MRPS22: variants seen among roughly 807,000 people sequenced by gnomAD.
The protein encoded by MRPS22 is small ribosomal subunit protein mS22.
In MRPS22, 30 loss-of-function variants were observed where a neutral mutation model predicts 44.0. That is an observed-to-expected ratio of 0.68 (90% CI 0.51 to 0.93). MRPS22 has a LOEUF of 0.93. Among genes scored for constraint, MRPS22 ranks in the 40% least tolerant of loss-of-function variants. The pLI is 0.00. For synonymous variants in MRPS22, 165 were observed against 154.4 expected, an observed-to-expected ratio of 1.07 and a Z score of -0.51; for missense variants, 447 against 447.8, an observed-to-expected ratio of 1.00 and a Z score of 0.02.
chr3:139,348,101 G>A (rs1274121062), intron 2 of MRPS22, 59 bp from the exon 3 acceptor site: 9 of 1,561,942 alleles, frequency 5.8e-6, no homozygotes, highest in Non-Finnish European at 7.9e-6. Context: ...GCTTTTGTCA[G>A]ATGATCCTTA....
At chr3:139,356,339 A>G (rs1232365307) in intron 7 of MRPS22, among the ~76,000 whole-genome samples, 1 of 152,148 alleles carries the variant, frequency 6.6e-6, no homozygotes, top group Non-Finnish European at 1.5e-5. Flanking sequence ...TTGAGATGAT[A>G]TTTTCAGGAA....
At chr3:139,344,834 G>A (rs1280088048) in intron 1 of MRPS22, 1 of 556,536 alleles carries the variant, frequency 1.8e-6, no homozygotes, top group African/African-American at 1.9e-5. Context: ...CCAAGATGAA[G>A]AAGATTAATT....
Position 139,352,630 on chromosome 3 carries a change from G to A in MRPS22, c.733-17G>A, listed in dbSNP as rs1460348695. On this transcript the variant is annotated splice_polypyrimidine_tract_variant and intron_variant, in intron 5 of 7. Transcript: ENST00000680020. Reference sequence around the variant, plus strand: ...CTTATTTTCATGTTTCTGAAGAGTTGCATTTTATGTGGATAGGTTCATCAC... The same window carrying A: ...CTTATTTTCATGTTTCTGAAGAGTTACATTTTATGTGGATAGGTTCATCAC... The A allele has an allele frequency of 3.7e-6, 6 of 1,610,126 alleles. No individual in the cohort carries two copies. Among genetic ancestry groups the A allele is most frequent in the Non-Finnish European group, 4.2e-6 (5 of 1,176,970 alleles).
chr3:139,345,775 G>A (rs1042987812), intron 1 of MRPS22, among the ~76,000 whole-genome samples: 14 of 152,150 alleles, frequency 9.2e-5, no homozygotes, highest in African/African-American at 2.9e-4. Flanking sequence ...AGGGAAAGTT[G>A]ATGGGTTCTG....
intron 1 of MRPS22, chr3:139,344,744 G>C (rs1424577980): frequency 1.4e-6 from 1 of 691,522 alleles, no homozygotes; most frequent in East Asian, 2.7e-5. Flanking sequence ...CTTGATTAAG[G>C]CTTTGGATAT....
Position 139,348,157 on chromosome 3 carries a change from T to A in MRPS22, c.340-3T>A. On this transcript the variant is annotated splice_region_variant and splice_polypyrimidine_tract_variant and intron_variant, in intron 2 of 7. Transcript: ENST00000680020. ...TTCCTTAATAAATATTTTCTTTCAT[T>A]AGGCTACAAGACAGGCAGTTGAGGC... 5 of 1,613,998 alleles carry A rather than the reference T, an allele frequency of 3.1e-6. No individual in the cohort carries two copies. The highest frequency in any genetic ancestry group is 4.2e-6 in the Non-Finnish European group (5 of 1,179,950).
chr3:139,352,793 G>A lies in MRPS22; in HGVS notation c.878+1G>A. ...TGATTGACCAGATTCAGAGAGATTTGTAAGTATGATCTTAGTAAGTGAAAG... is the reference window on the plus strand; with the variant it reads ...TGATTGACCAGATTCAGAGAGATTTATAAGTATGATCTTAGTAAGTGAAAG... On this transcript the variant is annotated splice_donor_variant, in intron 6 of 7. Transcript: ENST00000680020. LOFTEE classifies it high-confidence loss of function. 6.2e-7 allele frequency: 1 copy of A among 1,612,792 alleles called. No individual in the cohort carries two copies. Among genetic ancestry groups the A allele is most frequent in the Non-Finnish European group, 8.5e-7 (1 of 1,179,220 alleles).
intron 1 of MRPS22, among the ~76,000 whole-genome samples, chr3:139,344,936 G>T (rs1941010614): frequency 6.6e-6 from 1 of 152,160 alleles, no homozygotes; most frequent in South Asian, 2.1e-4. Context: ...ACCTATTTGG[G>T]ACACATTAAA....
chr3:139,356,402 A>G (rs555475624), intron 7 of MRPS22, among the ~76,000 whole-genome samples: 1 of 151,888 alleles, frequency 6.6e-6, no homozygotes, highest in Non-Finnish European at 1.5e-5. Context: ...TGCTCAGAAT[A>G]TACATGGTTT....
chr3:139,350,824 A>C, intron 4 of MRPS22, 153 bp from the exon 5 acceptor site: 1 of 705,038 alleles, frequency 1.4e-6, no homozygotes, highest in African/African-American at 1.8e-5. Flanking sequence ...ATTTGAATCT[A>C]GGTGTGACAA....
At chr3:139,350,783 C>T (rs1941135884) in intron 4 of MRPS22, 194 bp from the exon 5 acceptor site, 4 of 635,302 alleles carry the variant, frequency 6.3e-6, no homozygotes, top group South Asian at 3.4e-5. Flanking sequence ...ATGGGTTGTA[C>T]TAGGGTTCTC....
intron 4 of MRPS22, chr3:139,350,662 G>A (rs1345362989): frequency 4.0e-5 from 13 of 328,496 alleles, no homozygotes; most frequent in African/African-American, 2.0e-4. Context: ...TCCTGACCTC[G>A]GGATTCGCAC....
chr3:139,355,761 C>A lies in MRPS22; in HGVS notation c.958C>A (p.Gln320Lys). 1 of 1,614,056 alleles carries A rather than the reference C, an allele frequency of 6.2e-7. No individual in the cohort carries two copies. The highest frequency in any genetic ancestry group is 1.1e-5 in the South Asian group (1 of 91,082). ...DGQSAQGAKDQAAEGINLIKV... is the reference protein window; with the variant it reads ...DGQSAQGAKDKAAEGINLIKV... ...CCAGTCGGCTCAAGGGGCCAAGGAT[C>A]AGGCTGCTGAGGGAATAAATTTAAT... Residue 320 changes from glutamine to lysine, a missense_variant, in exon 7 of 8, where the codon CAG (glutamine) becomes AAG (lysine). By Grantham distance (53) the Gln-to-Lys change is moderately conservative. Coordinates refer to ENST00000680020, the MANE Select transcript of MRPS22 (RefSeq NM_020191.4).
intron 6 of MRPS22, among the ~76,000 whole-genome samples, chr3:139,354,507 A>G (rs894538993): frequency 6.6e-6 from 1 of 152,260 alleles, no homozygotes; most frequent in African/African-American, 2.4e-5. Flanking sequence ...TTGTTAGATT[A>G]TAACAAGCAC....
At chr3:139,350,673 C>CAT (rs368536241) in intron 4 of MRPS22, 7 of 281,662 alleles carry the variant, frequency 2.5e-5, no homozygotes, top group South Asian at 5.3e-5. Flanking sequence ...GGATTCGCAC[C>CAT]CCCCCCCCGC....
In MRPS22 at chr3:139,346,083, C is replaced by T. The variant is rs552289096; in HGVS notation, c.173-795C>T. Among the ~76,000 whole-genome samples, 3 of 152,178 alleles carry T rather than the reference C, an allele frequency of 2.0e-5. 1 individual carries two copies. In the South Asian group the frequency reaches 6.3e-4, roughly 32 times the overall value. On this transcript the variant is annotated intron_variant, in intron 1 of 7. Coordinates refer to ENST00000680020, the MANE Select transcript of MRPS22 (RefSeq NM_020191.4). ...AAAGCAATAAGCAAACTGCATGAGG[C>T]TGAGCTAAGATTTGATTCTCTGCTT...
chr3:139,355,408 A>T (rs952613169), intron 6 of MRPS22, among the ~76,000 whole-genome samples: 2 of 152,202 alleles, frequency 1.3e-5, no homozygotes, highest in African/African-American at 4.8e-5. Flanking sequence ...TCCAAAAAGA[A>T]TATAGCCACA....
In MRPS22 at chr3:139,348,416, C is replaced by T. The variant is rs77869711; in HGVS notation, c.504+92C>T. 0.076 allele frequency: 99,799 copies of T among 1,306,894 alleles called. 4,192 individuals carry two copies. Among genetic ancestry groups the T allele is most frequent in the Middle Eastern group, 0.12 (509 of 4,248 alleles). The allele number at this position is 1,306,894 out of a possible 1,614,324, so 81.0% of individuals were successfully genotyped here. ...TGATGTGACCTGGCTGTCTCTGATG[C>T]GTCCAAACCAGATTTCCTCTGACTG... On this transcript the variant is annotated intron_variant, in intron 3 of 7. Coordinates refer to ENST00000680020, the MANE Select transcript of MRPS22 (RefSeq NM_020191.4).
intron 6 of MRPS22, among the ~76,000 whole-genome samples, chr3:139,353,911 T>C (rs1027812055): frequency 1.3e-5 from 2 of 152,236 alleles, no homozygotes; most frequent in Admixed American, 1.3e-4. Context: ...ATTAAAACAG[T>C]ATGTTCTTAC....
Sources: gnomAD v4.1 joint callset for allele counts (sites outside exome capture counted in the v4.1 genomes callset) on GRCh38, gnomAD v4.1.1 for gene constraint, MANE v1.5 for transcripts, NCBI Gene and HGNC (gene_info 2026-07-23, HGNC 2026-07-21) for gene names.